SETBP1: variants seen among roughly 807,000 people sequenced by gnomAD.
SETBP1 encodes SET-binding protein.
In SETBP1, 9 loss-of-function variants were observed where a neutral mutation model predicts 101.0. The observed-to-expected ratio is 0.09, with a 90% confidence interval of 0.05 to 0.16. SETBP1 has a LOEUF of 0.16. Ranked by LOEUF, SETBP1 falls within the 10% of genes least tolerant of loss-of-function variation. SETBP1 has a pLI of 1.00. For synonymous variants in SETBP1, 818 were observed against 788.5 expected, an observed-to-expected ratio of 1.04 and a Z score of -0.63; for missense variants, 1,858 against 2,033.8, an observed-to-expected ratio of 0.91 and a Z score of 1.66.
intron 1 of SETBP1, among the ~76,000 whole-genome samples, chr18:44,689,986 C>G (rs2068902851): frequency 6.6e-6 from 1 of 152,154 alleles, no homozygotes; most frequent in South Asian, 2.1e-4. Context: ...CCACACATAG[C>G]ACACATGAAA....
chr18:44,814,523 T>G (rs1025275674), intron 2 of SETBP1, among the ~76,000 whole-genome samples: 1 of 152,176 alleles, frequency 6.6e-6, no homozygotes, highest in Non-Finnish European at 1.5e-5. Flanking sequence ...TGACGGCAAA[T>G]TTTAGGTGGC....
chr18:44,982,771 T>G (rs965229926), intron 4 of SETBP1, among the ~76,000 whole-genome samples: 1 of 152,232 alleles, frequency 6.6e-6, no homozygotes, highest in African/African-American at 2.4e-5. Flanking sequence ...ACTTCTACAT[T>G]TAAAGGCTTG....
intron 4 of SETBP1, among the ~76,000 whole-genome samples, chr18:44,963,426 C>T (rs1203512441): frequency 6.6e-6 from 1 of 152,068 alleles, no homozygotes. Context: ...TTGAATGGAG[C>T]GTGAATGTCC....
intron 3 of SETBP1, among the ~76,000 whole-genome samples, chr18:44,883,400 T>G (rs1423619056): frequency 6.6e-6 from 1 of 152,224 alleles, no homozygotes; most frequent in African/African-American, 2.4e-5. Context: ...CCACAATGTC[T>G]TTAAAATAAG....
intron 3 of SETBP1, among the ~76,000 whole-genome samples, chr18:44,887,901 G>A (rs998338317): frequency 6.6e-6 from 1 of 152,106 alleles, no homozygotes; most frequent in African/African-American, 2.4e-5. Context: ...TTATCCAATT[G>A]TAAATACCTG....
chr18:45,017,552 A>C (rs999923456), intron 4 of SETBP1, among the ~76,000 whole-genome samples: 1 of 152,208 alleles, frequency 6.6e-6, no homozygotes, highest in African/African-American at 2.4e-5. Flanking sequence ...AGGGACTGGG[A>C]TATGGTTTTC....
At chr18:44,775,663 T>C (rs894198406) in intron 2 of SETBP1, among the ~76,000 whole-genome samples, 3 of 152,148 alleles carry the variant, frequency 2.0e-5, no homozygotes, top group African/African-American at 7.2e-5. Context: ...AGCGTACTTT[T>C]CATGTTTAGG....
intron 1 of SETBP1, among the ~76,000 whole-genome samples, chr18:44,696,074 G>GATGCT (rs2069013228): frequency 6.6e-6 from 1 of 152,144 alleles, no homozygotes; most frequent in Non-Finnish European, 1.5e-5. Flanking sequence ...AGAAGAGGGA[G>GATGCT]GTGAATAAAT....
At chr18:44,994,128 C>G (rs1323246123) in intron 4 of SETBP1, among the ~76,000 whole-genome samples, 1 of 151,840 alleles carries the variant, frequency 6.6e-6, no homozygotes, top group African/African-American at 2.4e-5. Flanking sequence ...ATTTAAAGAA[C>G]TGCTAGAGTT....
At chr18:44,830,976 T>C (rs559060677) in intron 2 of SETBP1, among the ~76,000 whole-genome samples, 3 of 152,224 alleles carry the variant, frequency 2.0e-5, no homozygotes, top group Non-Finnish European at 2.9e-5. Flanking sequence ...GGGGAATATG[T>C]ATCATTTGGA....
chr18:44,972,225 A>G (rs1316363119), intron 4 of SETBP1, among the ~76,000 whole-genome samples: 2 of 152,056 alleles, frequency 1.3e-5, no homozygotes, highest in Non-Finnish European at 2.9e-5. Context: ...GTCCTGTTCC[A>G]TTGGTCTATA....
intron 2 of SETBP1, among the ~76,000 whole-genome samples, chr18:44,704,030 C>A (rs750567237): frequency 2.0e-5 from 3 of 152,182 alleles, no homozygotes. Context: ...TAAGCAGCAA[C>A]CCACAGTTTT....
At chr18:45,016,898 T>C (rs1433389594) in intron 4 of SETBP1, among the ~76,000 whole-genome samples, 1 of 151,702 alleles carries the variant, frequency 6.6e-6, no homozygotes, top group African/African-American at 2.4e-5. Context: ...GAGCCTTTTA[T>C]TGTTCAAGGA....
chr18:44,866,310 T>C lies in SETBP1; in HGVS notation c.487-2920T>C, dbSNP rs1307766948. ...CTAGGCGCTGAGTGCTGTTTCCTTT[T>C]GTTGGCTTGGAAGATATCTTAAGCC... On this transcript the variant is annotated intron_variant, in intron 2 of 5. Coordinates refer to ENST00000649279, the MANE Select transcript of SETBP1 (RefSeq NM_015559.3). Among the ~76,000 whole-genome samples the C allele has an allele frequency of 2.6e-5, 4 of 152,242 alleles. No homozygotes were observed. The East Asian group carries it at 7.7e-4, about 29-fold the overall frequency.
intron 1 of SETBP1, among the ~76,000 whole-genome samples, chr18:44,683,237 G>C (rs539969681): frequency 6.6e-6 from 1 of 152,294 alleles, no homozygotes; most frequent in African/African-American, 2.4e-5. Context: ...ATCACACAGG[G>C]GAACCTAGAG....
At chr18:44,992,380 T>C (rs1489259912) in intron 4 of SETBP1, among the ~76,000 whole-genome samples, 2 of 151,888 alleles carry the variant, frequency 1.3e-5, no homozygotes, top group Non-Finnish European at 2.9e-5. Flanking sequence ...GATCAAGTGA[T>C]AAAAAATTAT....
At chr18:44,682,903 G>GA (rs2068782639) in intron 1 of SETBP1, among the ~76,000 whole-genome samples, 2 of 152,254 alleles carry the variant, frequency 1.3e-5, no homozygotes, top group African/African-American at 4.8e-5. Context: ...AGCTGAGCTG[G>GA]GGGAGGAGGT....
chr18:44,949,416 C>T (rs1457184674), intron 3 of SETBP1, among the ~76,000 whole-genome samples: 2 of 152,164 alleles, frequency 1.3e-5, no homozygotes, highest in African/African-American at 2.4e-5. Context: ...AGAGACTGTT[C>T]GAGTTAGGTG....
intron 2 of SETBP1, among the ~76,000 whole-genome samples, chr18:44,754,213 A>G (rs2070445883): frequency 6.6e-6 from 1 of 152,172 alleles, no homozygotes; most frequent in Non-Finnish European, 1.5e-5. Context: ...TTCTTAAGTG[A>G]GAGCTACTCT....
Sources: gnomAD v4.1 joint callset for allele counts (sites outside exome capture counted in the v4.1 genomes callset) on GRCh38, gnomAD v4.1.1 for gene constraint, MANE v1.5 for transcripts, NCBI Gene and HGNC (gene_info 2026-07-23, HGNC 2026-07-21) for gene names.